COA1: variants seen among roughly 807,000 people sequenced by gnomAD.
The protein encoded by COA1 is cytochrome c oxidase assembly factor 1.
COA1 carries 13 observed loss-of-function variants against 16.0 expected under a neutral mutation model. That is an observed-to-expected ratio of 0.81 (90% CI 0.53 to 1.29). COA1 has a LOEUF of 1.29. Among genes scored for constraint, COA1 ranks in the 50% most tolerant of loss-of-function variants. The pLI is 0.00. For missense variants in COA1, 179 were observed against 177.0 expected, an observed-to-expected ratio of 1.01 and a Z score of -0.06; for synonymous variants, 65 against 65.7, an observed-to-expected ratio of 0.99 and a Z score of 0.05.
rs1403851736 is a variant in COA1, at chr7:43,715,310, T to C, written c.-39+14119A>G. Among the ~76,000 whole-genome samples, 6 of 151,948 alleles carry C rather than the reference T, an allele frequency of 3.9e-5. No individual in the cohort carries two copies. The East Asian group carries it at 1.2e-3, about 29-fold the overall frequency. On this transcript the variant is annotated intron_variant, in intron 1 of 5. Coordinates refer to ENST00000223336, the MANE Select transcript of COA1 (RefSeq NM_018224.4). ...ATGTTGCTTGGTGAAACTCCGTCTC[T>C]ACTAAAAATACAAAAAAAAATGCCA...
chr7:43,667,017 T>C (rs968438928), intron 1 of COA1, among the ~76,000 whole-genome samples: 4 of 152,224 alleles, frequency 2.6e-5, no homozygotes, highest in East Asian at 1.9e-4. Context: ...CCCAGTCAAA[T>C]TGGTTATGAT....
At chr7:43,609,836 A>G (rs1305678784) in intron 6 of COA1, among the ~76,000 whole-genome samples, 2 of 152,188 alleles carry the variant, frequency 1.3e-5, no homozygotes, top group African/African-American at 4.8e-5. Flanking sequence ...ATCATCTCAC[A>G]CCACGATCAT....
chr7:43,637,142 A>G (rs948842895), downstream of COA1, among the ~76,000 whole-genome samples: 4 of 152,166 alleles, frequency 2.6e-5, no homozygotes, highest in African/African-American at 9.7e-5. Context: ...CAGGGACACT[A>G]CTGCCTCTGG....
At chr7:43,696,690 T>C (rs974577281) in intron 1 of COA1, among the ~76,000 whole-genome samples, 1 of 147,958 alleles carries the variant, frequency 6.8e-6, no homozygotes, top group African/African-American at 2.4e-5. Flanking sequence ...AAAATGTTGA[T>C]ATATACATAT....
At chr7:43,685,739 C>A (rs913591055) in intron 1 of COA1, among the ~76,000 whole-genome samples, 1 of 152,128 alleles carries the variant, frequency 6.6e-6, no homozygotes, top group Admixed American at 6.5e-5. Flanking sequence ...AACTGTCTCA[C>A]CAAATTAACA....
intron 1 of COA1, among the ~76,000 whole-genome samples, chr7:43,673,959 CAAAG>C (rs1340301157): frequency 1.3e-5 from 2 of 151,860 alleles, no homozygotes; most frequent in Non-Finnish European, 2.9e-5. Flanking sequence ...TGTATAGACA[CAAAG>C]AAAGGCACAA....
chr7:43,690,267 A>G (rs569969633), intron 1 of COA1, among the ~76,000 whole-genome samples: 106 of 152,290 alleles, frequency 7.0e-4, no homozygotes, highest in Non-Finnish European at 1.3e-3. Flanking sequence ...CCCAGAGGAA[A>G]AGAGGTCCTT....
intron 1 of COA1, among the ~76,000 whole-genome samples, chr7:43,657,950 G>A (rs1025624057): frequency 3.9e-5 from 6 of 152,112 alleles, no homozygotes; most frequent in African/African-American, 1.4e-4. Context: ...TTAAAACAAC[G>A]AGAGGCGGAG....
At chr7:43,670,700 T>C (rs772743232) in intron 1 of COA1, among the ~76,000 whole-genome samples, 1 of 152,138 alleles carries the variant, frequency 6.6e-6, no homozygotes, top group African/African-American at 2.4e-5. Flanking sequence ...AAGAAAACAA[T>C]GTAATGCCCA....
At chr7:43,683,796 G>A (rs1444903321) in intron 1 of COA1, among the ~76,000 whole-genome samples, 1 of 152,046 alleles carries the variant, frequency 6.6e-6, no homozygotes, top group East Asian at 1.9e-4. Flanking sequence ...GGAAACTAGG[G>A]GACACAAAAG....
intron 1 of COA1, among the ~76,000 whole-genome samples, chr7:43,692,238 G>C (rs1363627603): frequency 1.3e-5 from 2 of 152,112 alleles, no homozygotes; most frequent in Admixed American, 1.3e-4. Flanking sequence ...ACTTTCCTGG[G>C]CCAGGCGCAG....
At chr7:43,614,181 T>G (rs1326970252) in intron 6 of COA1, among the ~76,000 whole-genome samples, 1 of 152,250 alleles carries the variant, frequency 6.6e-6, no homozygotes, top group African/African-American at 2.4e-5. Context: ...CAGTGGTGAT[T>G]GTTCAGTAAA....
At position 43,645,356 on chromosome 7, in the gene COA1, C is replaced by T; in HGVS notation, c.159G>A (p.Gln53=). ...CCTGTGCCTCGGGATGGCTCTGCAG[C>T]TGCTCCACTGCCAACTTGTAATATA... ...RALYYKLAVE[Q]LQSHPEAQEA... is the part of the protein sequence containing the mutation. Residue 53 remains glutamine (Q), a synonymous_variant, in exon 4 of 6, where the codon CAG becomes CAA. Coordinates refer to ENST00000223336, the MANE Select transcript of COA1 (RefSeq NM_018224.4). The T allele has an allele frequency of 1.2e-6, 2 of 1,614,020 alleles. No homozygotes were observed. The highest frequency in any genetic ancestry group is 1.7e-6 in the Non-Finnish European group (2 of 1,179,910).
chr7:43,657,351 C>T (rs1255159834), intron 1 of COA1: 1 of 152,224 alleles, frequency 6.6e-6, no homozygotes, highest in Non-Finnish European at 1.5e-5. Flanking sequence ...GAACTATCTT[C>T]TCATACTACT....
chr7:43,683,490 C>T (rs1210504033), intron 1 of COA1, among the ~76,000 whole-genome samples: 1 of 152,010 alleles, frequency 6.6e-6, no homozygotes, highest in African/African-American at 2.4e-5. Context: ...AAAAGTTAGC[C>T]AGGCATGGTG....
chr7:43,692,375 C>T (rs1480611972), intron 1 of COA1, among the ~76,000 whole-genome samples: 1 of 151,948 alleles, frequency 6.6e-6, no homozygotes, highest in Non-Finnish European at 1.5e-5. Context: ...AAATCTTAGC[C>T]GGGCACGATG....
At chr7:43,725,011 G>A (rs552611670) in intron 1 of COA1, among the ~76,000 whole-genome samples, 1 of 152,246 alleles carries the variant, frequency 6.6e-6, no homozygotes, top group African/African-American at 2.4e-5. Context: ...GGCTGAGGTG[G>A]GCAGATCACC....
At chr7:43,706,285 C>A (rs900414502) in intron 1 of COA1, among the ~76,000 whole-genome samples, 4 of 152,104 alleles carry the variant, frequency 2.6e-5, no homozygotes, top group African/African-American at 9.7e-5. Flanking sequence ...CGCCTGTAAT[C>A]CCAGTACTTT....
intron 1 of COA1, among the ~76,000 whole-genome samples, chr7:43,679,394 T>C (rs1229774060): frequency 6.6e-6 from 1 of 152,112 alleles, no homozygotes; most frequent in Non-Finnish European, 1.5e-5. Flanking sequence ...AGTATCTTTA[T>C]TGGTCATGGG....
Sources: gnomAD v4.1 joint callset for allele counts (sites outside exome capture counted in the v4.1 genomes callset) on GRCh38, gnomAD v4.1.1 for gene constraint, MANE v1.5 for transcripts, NCBI Gene and HGNC (gene_info 2026-07-23, HGNC 2026-07-21) for gene names.